Variants in IGSF11 observed in about 807,000 individuals in gnomAD.
IGSF11 encodes the protein CXADR like 1.
A neutral mutation model predicts 41.0 loss-of-function variants in IGSF11; 22 were observed. That is an observed-to-expected ratio of 0.54 (90% CI 0.38 to 0.77). The LOEUF (loss-of-function observed/expected upper bound fraction) is 0.77. Among genes scored for constraint, IGSF11 ranks in the 30% least tolerant of loss-of-function variants. IGSF11 has a pLI of 0.00. For synonymous variants in IGSF11, 219 were observed against 201.3 expected (o/e 1.09, Z -0.74); for missense variants, 444 against 530.8 (o/e 0.84, Z 1.61).
At chr3:118,956,325 C>T (rs186694303) in intron 1 of IGSF11, among the ~76,000 whole-genome samples, 4 of 152,282 alleles carry the variant, frequency 2.6e-5, no homozygotes, top group East Asian at 1.9e-4. Context: ...CCTTCAAAAA[C>T]TTTTCCTTTT....
chr3:119,041,668 T>A (rs1466705126), intron 1 of IGSF11, among the ~76,000 whole-genome samples: 1 of 152,152 alleles, frequency 6.6e-6, no homozygotes, highest in African/African-American at 2.4e-5. Flanking sequence ...ATGTGAATAA[T>A]TTTCTGCCAA....
chr3:118,930,560 T>C (rs1942765839), intron 1 of IGSF11, among the ~76,000 whole-genome samples: 2 of 152,230 alleles, frequency 1.3e-5, no homozygotes, highest in South Asian at 4.1e-4. Flanking sequence ...ACAGATGAAT[T>C]CAACTGATGG....
intron 1 of IGSF11, among the ~76,000 whole-genome samples, chr3:119,004,578 C>T (rs1937278078): frequency 2.1e-5 from 3 of 141,218 alleles, no homozygotes; most frequent in African/African-American, 8.5e-5. Flanking sequence ...TGGATCTTTC[C>T]TGCTTTCTCT....
chr3:119,046,791 G>T (rs569080726), intron 1 of IGSF11, among the ~76,000 whole-genome samples: 1 of 151,832 alleles, frequency 6.6e-6, no homozygotes, highest in South Asian at 2.1e-4. Context: ...GACTAACAGC[G>T]GATCTCTCGG....
chr3:119,029,295 C>A (rs961378946), intron 1 of IGSF11, among the ~76,000 whole-genome samples: 1 of 145,520 alleles, frequency 6.9e-6, no homozygotes, highest in Non-Finnish European at 1.5e-5. Context: ...AGAGAGAATG[C>A]GAGAGAGAGA....
intron 1 of IGSF11, among the ~76,000 whole-genome samples, chr3:119,145,375 G>A (rs566436811): frequency 6.6e-6 from 1 of 152,262 alleles, no homozygotes; most frequent in South Asian, 2.1e-4. Flanking sequence ...CATTCTTAAG[G>A]TTGATTGCAA....
intron 4 of IGSF11, among the ~76,000 whole-genome samples, chr3:118,917,905 C>T (rs1435824780): frequency 7.9e-6 from 1 of 125,876 alleles, no homozygotes; most frequent in Admixed American, 8.3e-5. Flanking sequence ...AAAGCTTATC[C>T]ACCATGATCA....
intron 1 of IGSF11, among the ~76,000 whole-genome samples, chr3:119,135,942 T>G (rs1029417359): frequency 6.6e-6 from 1 of 152,166 alleles, no homozygotes; most frequent in Non-Finnish European, 1.5e-5. Flanking sequence ...AAACCATCAT[T>G]CTAAGCAAAC....
intron 1 of IGSF11, among the ~76,000 whole-genome samples, chr3:119,019,241 C>A (rs138042001): frequency 2.0e-5 from 3 of 151,724 alleles, no homozygotes; most frequent in African/African-American, 4.8e-5. Context: ...CATACATCCA[C>A]AGCAAATTTT....
intron 1 of IGSF11, chr3:118,944,983 GAA>G (rs1158661968): frequency 6.6e-6 from 1 of 152,156 alleles, no homozygotes; most frequent in Non-Finnish European, 1.5e-5. Context: ...ACAGGACATA[GAA>G]TCCAGGTACA....
At chr3:119,094,406 A>G (rs1386425620) in intron 1 of IGSF11, among the ~76,000 whole-genome samples, 1 of 151,812 alleles carries the variant, frequency 6.6e-6, no homozygotes, top group Non-Finnish European at 1.5e-5. Flanking sequence ...GAAAACCTGT[A>G]TGGTATTAGC....
chr3:119,135,397 G>T (rs2077546314), intron 1 of IGSF11, among the ~76,000 whole-genome samples: 2 of 152,158 alleles, frequency 1.3e-5, no homozygotes, highest in African/African-American at 2.4e-5. Flanking sequence ...CAAAAAGTGG[G>T]CAAAGGATAT....
intron 1 of IGSF11, among the ~76,000 whole-genome samples, chr3:119,085,351 T>A (rs988312909): frequency 6.6e-6 from 1 of 152,156 alleles, no homozygotes; most frequent in Non-Finnish European, 1.5e-5. Flanking sequence ...GTACAAAGCT[T>A]TAGCCCTCTG....
chr3:118,994,640 G>T (rs531489880), intron 1 of IGSF11, among the ~76,000 whole-genome samples: 136 of 152,274 alleles, frequency 8.9e-4, no homozygotes, highest in Middle Eastern at 3.4e-3. Flanking sequence ...CCTAGACCTT[G>T]TCAAGAGAGA....
At chr3:118,999,938 C>G (rs1176200542) in intron 1 of IGSF11, among the ~76,000 whole-genome samples, 1 of 151,826 alleles carries the variant, frequency 6.6e-6, no homozygotes, top group Non-Finnish European at 1.5e-5. Flanking sequence ...CAATGTAAAA[C>G]AAGATGAACA....
rs544206755 is a variant in IGSF11, at chr3:119,058,278, A to G, written c.49+46866T>C. Among the ~76,000 whole-genome samples the G allele has an allele frequency of 1.4e-3, 216 of 152,228 alleles. 2 individuals carry two copies. Among genetic ancestry groups the G allele is most frequent in the African/African-American group, 4.7e-3 (195 of 41,556 alleles). On this transcript the variant is annotated intron_variant, in intron 1 of 6. Transcript: ENST00000354673. ...CAAAGAACTCAAACAAATTTACAAG[A>G]AAAAAACAAACAACCCCATCAAAAA...
At chr3:119,028,065 A>G (rs1377974412) in intron 1 of IGSF11, among the ~76,000 whole-genome samples, 2 of 152,178 alleles carry the variant, frequency 1.3e-5, no homozygotes, top group Non-Finnish European at 2.9e-5. Flanking sequence ...ACCTGGCCCA[A>G]AGAAAAAAAA....
chr3:119,029,396 C>G lies in IGSF11; in HGVS notation c.52+5135G>C, dbSNP rs545614398. On this transcript the variant is annotated intron_variant, in intron 1 of 6. Transcript: ENST00000393775. Reference sequence around the variant, plus strand: ...ATATTAGCATATAACTATGCCCACACTCCCACATACCCCACCAATGCTCAG... The same window carrying G: ...ATATTAGCATATAACTATGCCCACAGTCCCACATACCCCACCAATGCTCAG... 5.9e-5 allele frequency among the ~76,000 whole-genome samples: 9 copies of G among 152,272 alleles called. No individual in the cohort carries two copies. In the South Asian group the frequency reaches 1.9e-3, roughly 32 times the overall value.
chr3:119,014,661 C>T (rs1938493453), intron 1 of IGSF11, among the ~76,000 whole-genome samples: 1 of 152,224 alleles, frequency 6.6e-6, no homozygotes. Flanking sequence ...TTGCCACTTA[C>T]ATGCTGTGTG....
Sources: allele counts gnomAD v4.1 joint callset (sites outside exome capture counted in the v4.1 genomes callset), GRCh38; gene constraint gnomAD v4.1.1; transcripts MANE v1.5; gene names NCBI Gene and HGNC (gene_info 2026-07-23, HGNC 2026-07-21).